The following SAMD12 variants were observed in gnomAD, a reference collection of about 807,000 sequenced individuals.
The protein encoded by SAMD12 is sterile alpha motif domain-containing protein 12.
SAMD12 carries 9 observed loss-of-function variants against 15.0 expected under a neutral mutation model. That is an observed-to-expected ratio of 0.60 (90% CI 0.36 to 1.05). SAMD12 has a LOEUF of 1.05. SAMD12 is among the 50% of genes least tolerant of loss of function. The pLI is 0.01. For synonymous variants in SAMD12, 86 were observed against 90.1 expected, an observed-to-expected ratio of 0.96 and a Z score of 0.25; for missense variants, 230 against 234.2, an observed-to-expected ratio of 0.98 and a Z score of 0.12.
At chr8:118,135,394 T>A in the SAMD12 span, among the ~76,000 whole-genome samples, 25 of 152,080 alleles carry the variant, frequency 1.6e-4, no homozygotes, top group Non-Finnish European at 3.4e-4. Flanking sequence ...GTTGGCCAGG[T>A]TGGTCTCAAA....
intron 3 of SAMD12, among the ~76,000 whole-genome samples, chr8:118,429,710 A>C (rs1281839581): frequency 6.6e-6 from 1 of 152,140 alleles, no homozygotes; most frequent in Non-Finnish European, 1.5e-5. Flanking sequence ...TCTGGCCAAC[A>C]TTGTGAAATC....
At chr8:118,348,670 C>T (rs1014698350) in intron 4 of SAMD12, among the ~76,000 whole-genome samples, 1 of 152,202 alleles carries the variant, frequency 6.6e-6, no homozygotes, top group Admixed American at 6.5e-5. Context: ...CCGCACCCGG[C>T]CCGCTTATTA....
the SAMD12 span, among the ~76,000 whole-genome samples, chr8:118,152,572 C>A: frequency 6.6e-6 from 1 of 151,668 alleles, no homozygotes; most frequent in South Asian, 2.1e-4. Context: ...AAGATTGGCT[C>A]ACTGCAACCT....
chr8:118,232,756 T>C (rs966278384), intron 4 of SAMD12, among the ~76,000 whole-genome samples: 1 of 152,132 alleles, frequency 6.6e-6, no homozygotes, highest in Non-Finnish European at 1.5e-5. Flanking sequence ...GATTCAGTTA[T>C]TCTTGACCTG....
chr8:118,582,157 C>T (rs1048795107), intron 1 of SAMD12, among the ~76,000 whole-genome samples: 12 of 152,112 alleles, frequency 7.9e-5, no homozygotes, highest in African/African-American at 1.2e-4. Context: ...TCCCACTATC[C>T]ACTCCCTCCT....
the SAMD12 span, among the ~76,000 whole-genome samples, chr8:118,132,970 G>GTATATA: frequency 1.5e-5 from 1 of 67,534 alleles, no homozygotes; most frequent in African/African-American, 6.7e-5. Context: ...ATGTGTGTGT[G>GTATATA]TGTATATATA....
chr8:118,466,061 TCAAA>T (rs1563877087), intron 2 of SAMD12, among the ~76,000 whole-genome samples: 2 of 152,192 alleles, frequency 1.3e-5, no homozygotes, highest in Non-Finnish European at 2.9e-5. Flanking sequence ...ACATCTCATC[TCAAA>T]CAAATACTCT....
At chr8:118,452,838 C>T (rs1823123078) in intron 2 of SAMD12, among the ~76,000 whole-genome samples, 1 of 152,212 alleles carries the variant, frequency 6.6e-6, no homozygotes, top group African/African-American at 2.4e-5. Context: ...ACTCAAACAT[C>T]TCCCTTCTCC....
chr8:118,200,212 T>TTG (rs528423400), intron 4 of SAMD12, among the ~76,000 whole-genome samples: 7 of 152,076 alleles, frequency 4.6e-5, no homozygotes, highest in Non-Finnish European at 8.8e-5. Flanking sequence ...TTACCCAGTC[T>TTG]GGTATGTCTT....
At chr8:118,498,436 C>T (rs758474244) in intron 2 of SAMD12, among the ~76,000 whole-genome samples, 1 of 152,180 alleles carries the variant, frequency 6.6e-6, no homozygotes, top group Non-Finnish European at 1.5e-5. Flanking sequence ...TTTACTACCT[C>T]GCAACACTGC....
At chr8:118,318,235 G>T (rs917408114) in intron 4 of SAMD12, among the ~76,000 whole-genome samples, 1 of 148,952 alleles carries the variant, frequency 6.7e-6, no homozygotes, top group East Asian at 2.0e-4. Flanking sequence ...AAAAAGACAC[G>T]TGCACACATA....
intron 2 of SAMD12, among the ~76,000 whole-genome samples, chr8:118,562,167 T>C (rs1826719311): frequency 6.6e-6 from 1 of 151,952 alleles, no homozygotes; most frequent in Non-Finnish European, 1.5e-5. Flanking sequence ...TTCCTGAAGA[T>C]GAGATATAAC....
chr8:118,217,984 C>A (rs1812001893), intron 4 of SAMD12, among the ~76,000 whole-genome samples: 1 of 152,188 alleles, frequency 6.6e-6, no homozygotes, highest in Non-Finnish European at 1.5e-5. Context: ...ATGGGCCTCT[C>A]TATTCCAGTG....
At chr8:118,528,181 C>T (rs941575629) in intron 2 of SAMD12, among the ~76,000 whole-genome samples, 1 of 152,176 alleles carries the variant, frequency 6.6e-6, no homozygotes, top group African/African-American at 2.4e-5. Context: ...CACTCGCCAC[C>T]ATAATCAGCT....
the SAMD12 span, among the ~76,000 whole-genome samples, chr8:118,181,426 C>T: frequency 4.6e-5 from 7 of 152,090 alleles, no homozygotes; most frequent in South Asian, 2.1e-4. Flanking sequence ...ATCCTTTTGC[C>T]GTCAATCTGG....
chr8:118,537,240 T>G (rs1270940880), intron 2 of SAMD12, among the ~76,000 whole-genome samples: 5 of 152,182 alleles, frequency 3.3e-5, no homozygotes. Flanking sequence ...AGTCTGATTA[T>G]TAAGTCTTGA....
chr8:118,530,155 T>G (rs1375180729), intron 2 of SAMD12, among the ~76,000 whole-genome samples: 2 of 152,202 alleles, frequency 1.3e-5, no homozygotes, highest in Non-Finnish European at 2.9e-5. Flanking sequence ...CGTATGTTTG[T>G]TGGCTGTTTG....
At chr8:118,241,792 T>C (rs987729880) in intron 4 of SAMD12, among the ~76,000 whole-genome samples, 3 of 152,182 alleles carry the variant, frequency 2.0e-5, no homozygotes, top group Non-Finnish European at 2.9e-5. Context: ...ATAATTTAAA[T>C]AGCTTCAATG....
chr8:118,550,666 T>A (rs975108809), intron 2 of SAMD12, among the ~76,000 whole-genome samples: 145 of 152,000 alleles, frequency 9.5e-4, no homozygotes, highest in African/African-American at 3.5e-3. Flanking sequence ...AGGTTCAAAT[T>A]CACACATAAC....
Sources: gnomAD v4.1 joint callset for allele counts (sites outside exome capture counted in the v4.1 genomes callset) on GRCh38, gnomAD v4.1.1 for gene constraint, MANE v1.5 for transcripts, NCBI Gene and HGNC (gene_info 2026-07-23, HGNC 2026-07-21) for gene names.